The following TOGARAM1 variants were observed in gnomAD, a reference collection of about 807,000 sequenced individuals.
TOGARAM1 encodes TOG array regulator of axonemal microtubules 1.
In TOGARAM1, 100 loss-of-function variants were observed where a neutral mutation model predicts 166.6. That is an observed-to-expected ratio of 0.60 (90% CI 0.51 to 0.71). The LOEUF (loss-of-function observed/expected upper bound fraction) is 0.71, where lower values mean the gene tolerates loss of function less well. TOGARAM1 is among the 30% of genes least tolerant of loss of function. The probability of loss-of-function intolerance (pLI) is 0.00; values close to 1 mark genes in which losing one functional copy is unlikely to be tolerated. For missense variants in TOGARAM1, 2,029 were observed against 2,102.7 expected, an observed-to-expected ratio of 0.96 and a Z score of 0.69; for synonymous variants, 758 against 763.8, an observed-to-expected ratio of 0.99 and a Z score of 0.13.
At chr14:45,008,176 T>A (rs2138851112) in intron 5 of TOGARAM1, 1 of 152,272 alleles carries the variant, frequency 6.6e-6, no homozygotes, top group East Asian at 1.9e-4. Flanking sequence ...TTTCCTTAAT[T>A]TGTTCAAAGT....
At chr14:45,015,267 T>C (rs1218538456) in intron 7 of TOGARAM1, among the ~76,000 whole-genome samples, 1 of 151,646 alleles carries the variant, frequency 6.6e-6, no homozygotes, top group Non-Finnish European at 1.5e-5. Context: ...ATAGTGCCAA[T>C]GTATTCCAGC....
At chr14:45,015,721 A>G (rs1464535039) in intron 7 of TOGARAM1, among the ~76,000 whole-genome samples, 1 of 152,090 alleles carries the variant, frequency 6.6e-6, no homozygotes, top group East Asian at 1.9e-4. Flanking sequence ...CTATTTTACA[A>G]ATAAGGTTGA....
chr14:44,982,609 G>T (rs954533689), intron 1 of TOGARAM1, among the ~76,000 whole-genome samples: 1 of 152,256 alleles, frequency 6.6e-6, no homozygotes, highest in South Asian at 2.1e-4. Context: ...ATATAAAAGG[G>T]CAGTTTTAGT....
chr14:45,045,279 T>C (rs1881929627), intron 13 of TOGARAM1, among the ~76,000 whole-genome samples: 1 of 151,704 alleles, frequency 6.6e-6, no homozygotes, highest in South Asian at 2.1e-4. Context: ...TAGTGAACAT[T>C]GTACCTAATG....
At chr14:45,030,500 T>TAAAATAAA (rs1441433382) in intron 10 of TOGARAM1, among the ~76,000 whole-genome samples, 4 of 152,188 alleles carry the variant, frequency 2.6e-5, no homozygotes, top group African/African-American at 9.7e-5. Context: ...ATAGTGCTTT[T>TAAAATAAA]TTTTATTTGC....
intron 1 of TOGARAM1, 163 bp from the exon 2 acceptor site, chr14:44,995,583 G>A (rs1251939329): frequency 1.5e-6 from 1 of 646,256 alleles, no homozygotes; most frequent in African/African-American, 1.8e-5. Context: ...AAGTACTGTT[G>A]GTGTACCCGA....
chr14:44,981,154 T>G (rs1235941520), intron 1 of TOGARAM1, among the ~76,000 whole-genome samples: 2 of 152,182 alleles, frequency 1.3e-5, no homozygotes, highest in East Asian at 1.9e-4. Context: ...TATGAATTTT[T>G]GGTGAAGGAA....
intron 1 of TOGARAM1, among the ~76,000 whole-genome samples, chr14:44,986,914 A>G (rs1270228781): frequency 1.3e-5 from 2 of 151,118 alleles, no homozygotes; most frequent in Non-Finnish European, 3.0e-5. Context: ...GCTGAGGCAG[A>G]AGAATGGTGT....
In TOGARAM1 at chr14:44,964,046, G is replaced by A. The variant is rs891023406; in HGVS notation, c.1625G>A (p.Gly542Asp). 6.2e-7 allele frequency: 1 copy of A among 1,613,996 alleles called. No individual in the cohort carries two copies. The highest frequency in any genetic ancestry group is 1.3e-5 in the African/African-American group (1 of 74,910). ...EAFAVLASSM[G>D]SGKTSILFKA... ...TTTGCCGTATTGGCATCATCAATGG[G>A]CTCAGGTAAAACCAGCATCCTTTTT... Residue 542 changes from glycine to aspartate, a missense_variant, in exon 1 of 20, where the codon GGC (glycine) becomes GAC (aspartate). This residue lies in a region of TOGARAM1 where 1,453 missense variants were observed against 1,432.2 expected (regional missense o/e 1.01). Transcript: ENST00000361462.
At chr14:44,988,040 G>A (rs1303180245) in intron 1 of TOGARAM1, among the ~76,000 whole-genome samples, 2 of 148,852 alleles carry the variant, frequency 1.3e-5, no homozygotes, top group Admixed American at 6.8e-5. Context: ...TCACTCATAG[G>A]CAGCAATTGA....
chr14:45,059,063 T>G (rs1453356264), intron 16 of TOGARAM1, among the ~76,000 whole-genome samples: 1 of 152,162 alleles, frequency 6.6e-6, no homozygotes, highest in Non-Finnish European at 1.5e-5. Flanking sequence ...CTATGACCTC[T>G]TTGTTCTGTT....
intron 11 of TOGARAM1, among the ~76,000 whole-genome samples, chr14:45,040,312 A>T (rs937799550): frequency 3.3e-5 from 5 of 152,226 alleles, no homozygotes; most frequent in African/African-American, 1.2e-4. Context: ...GCCAAATTAA[A>T]GAGGAATATG....
rs1044575049 is a variant in TOGARAM1, at chr14:45,073,548, T to A, written c.5309T>A (p.Leu1770Ter). ...GAGGAATTACTCGATATGACAATTT[T>A]AAATGAATTATGAATCTTCGATAAA... Reference protein sequence around the residue: ...SLEELLDMTILNEL With the variant: ...SLEELLDMTI Residue 1770 changes from leucine to a stop codon, truncating the protein, a stop_gained, in exon 20 of 20, where the codon TTA becomes TAA. Coordinates refer to ENST00000361462, the MANE Select transcript of TOGARAM1 (RefSeq NM_001308120.2). LOFTEE classifies it high-confidence loss of function. 24 of 1,612,688 alleles carry A rather than the reference T, an allele frequency of 1.5e-5. No individual in the cohort carries two copies. The highest frequency in any genetic ancestry group is 2.0e-5 in the Non-Finnish European group (24 of 1,179,418).
intron 6 of TOGARAM1, 130 bp from the exon 7 acceptor site, chr14:45,011,845 G>A (rs1426649533): frequency 1.7e-6 from 1 of 579,408 alleles, no homozygotes. Context: ...AGTTTTTCAA[G>A]TGTCATACTT....
At chr14:45,047,490 C>G (rs1359876794) in intron 14 of TOGARAM1, among the ~76,000 whole-genome samples, 1 of 151,834 alleles carries the variant, frequency 6.6e-6, no homozygotes, top group Admixed American at 6.6e-5. Flanking sequence ...ACACAAATTT[C>G]TGATGCTTTT....
chr14:45,034,956 T>C (rs1327020052), intron 11 of TOGARAM1, among the ~76,000 whole-genome samples: 2 of 152,126 alleles, frequency 1.3e-5, no homozygotes, highest in African/African-American at 4.8e-5. Flanking sequence ...CTGTAACTAC[T>C]GCATGCATTA....
Position 44,964,302 on chromosome 14 carries a change from T to TGACC in TOGARAM1, c.1882_1885dup (p.His629ArgfsTer6). ...CTCAGAGTGCACACTGTCACTGTGG[T>TGACC]GACCACGTGAGGGATAGCATGCACA... On this transcript the variant is annotated frameshift_variant, in exon 1 of 20. Coordinates refer to ENST00000361462, the MANE Select transcript of TOGARAM1 (RefSeq NM_001308120.2). LOFTEE classifies it high-confidence loss of function. 1 of 1,614,206 alleles carries TGACC rather than the reference T, an allele frequency of 6.2e-7. No individual in the cohort carries two copies. The highest frequency in any genetic ancestry group is 1.1e-5 in the South Asian group (1 of 91,088).
At chr14:45,017,081 C>G (rs1284727805) in intron 7 of TOGARAM1, among the ~76,000 whole-genome samples, 1 of 152,090 alleles carries the variant, frequency 6.6e-6, no homozygotes, top group African/African-American at 2.4e-5. Context: ...GAACAATACC[C>G]AAGACATTGT....
chr14:45,049,784 A>G (rs1056838141), intron 14 of TOGARAM1, among the ~76,000 whole-genome samples: 1 of 152,128 alleles, frequency 6.6e-6, no homozygotes, highest in Non-Finnish European at 1.5e-5. Context: ...AGATCATTAT[A>G]GGCTAGTTAG....
Sources: allele counts gnomAD v4.1 joint callset (sites outside exome capture counted in the v4.1 genomes callset), GRCh38; gene constraint gnomAD v4.1.1; regional missense constraint gnomAD v4.1.1; transcripts MANE v1.5; gene names NCBI Gene and HGNC (gene_info 2026-07-23, HGNC 2026-07-21).